The following CEACAM4 variants were observed in gnomAD, a reference collection of about 807,000 sequenced individuals.
CEACAM4 encodes the protein CEA cell adhesion molecule 4.
A neutral mutation model predicts 28.7 loss-of-function variants in CEACAM4; 30 were observed. That is an observed-to-expected ratio of 1.05 (90% CI 0.78 to 1.42). The LOEUF (loss-of-function observed/expected upper bound fraction) is 1.42, where lower values mean the gene tolerates loss of function less well. Ranked by LOEUF, CEACAM4 falls within the 40% of genes most tolerant of loss-of-function variation. The probability of loss-of-function intolerance (pLI) is 0.00; values close to 1 mark genes in which losing one functional copy is unlikely to be tolerated. For synonymous variants in CEACAM4, 143 were observed against 126.5 expected (o/e 1.13, Z -0.87); for missense variants, 330 against 308.2 (o/e 1.07, Z -0.53).
downstream of CEACAM4, among the ~76,000 whole-genome samples, chr19:41,616,639 C>T (rs143754858): frequency 1.2e-4 from 19 of 152,206 alleles, no homozygotes; most frequent in Middle Eastern, 3.4e-3. Flanking sequence ...TGACACCAAG[C>T]ACAAGGCTCA....
Position 41,619,193 on chromosome 19 carries a change from C to T in CEACAM4, c.*137G>A, listed in dbSNP as rs1382103530. The T allele has an allele frequency of 1.1e-5, 8 of 732,356 alleles. No individual in the cohort carries two copies. Among genetic ancestry groups the T allele is most frequent in the Non-Finnish European group, 1.7e-5 (7 of 419,078 alleles). The allele number at this position is 732,356 out of a possible 1,614,324, so 45.4% of individuals were successfully genotyped here. A position where few individuals can be genotyped will look rare whatever the true frequency, so the allele number is the denominator to read the frequency against. On this transcript the variant is annotated 3_prime_UTR_variant, in exon 7 of 7. Coordinates refer to ENST00000221954, the MANE Select transcript of CEACAM4 (RefSeq NM_001817.4). Reference sequence around the variant, plus strand: ...CAGATATTCAGCAGGGACTCCCATCCCTCCCTGTCCCCAGGCCTGTGTCTC... The same window carrying T: ...CAGATATTCAGCAGGGACTCCCATCTCTCCCTGTCCCCAGGCCTGTGTCTC...
intron 1 of CEACAM4, among the ~76,000 whole-genome samples, chr19:41,626,660 G>A (rs1421960285): frequency 2.0e-5 from 3 of 152,166 alleles, no homozygotes; most frequent in South Asian, 2.1e-4. Context: ...TAACCAGGAC[G>A]AGAGAACACT....
At chr19:41,625,385 C>CT (rs1386517472) in intron 2 of CEACAM4, among the ~76,000 whole-genome samples, 1 of 152,158 alleles carries the variant, frequency 6.6e-6, no homozygotes, top group Non-Finnish European at 1.5e-5. Context: ...TGAGGCCCCC[C>CT]CGCCCCCGCC....
chr19:41,625,271 G>A (rs1461748312), intron 2 of CEACAM4, among the ~76,000 whole-genome samples: 1 of 152,158 alleles, frequency 6.6e-6, no homozygotes, highest in African/African-American at 2.4e-5. Context: ...GAGGTTCCCA[G>A]GACGCCCTCA....
intron 5 of CEACAM4, 151 bp downstream of exon 5, chr19:41,620,060 G>C (rs1555800518): frequency 1.4e-6 from 1 of 710,940 alleles, no homozygotes; most frequent in African/African-American, 1.9e-5. Flanking sequence ...CCTGTAGAGA[G>C]GCCCGGATCC....
chr19:41,615,679 C>T (rs1249488449), downstream of CEACAM4, among the ~76,000 whole-genome samples: 1 of 152,076 alleles, frequency 6.6e-6, no homozygotes, highest in East Asian at 1.9e-4. Context: ...CAAGGGTGAC[C>T]CAGGACAGAC....
chr19:41,615,278 T>A (rs1244790346), downstream of CEACAM4, among the ~76,000 whole-genome samples: 1 of 151,908 alleles, frequency 6.6e-6, no homozygotes, highest in African/African-American at 2.4e-5. Context: ...CCATGTAGCA[T>A]GTCAGTATAG....
chr19:41,619,920 C>CTGGGCCCACCCT (rs2071158511), intron 5 of CEACAM4, among the ~76,000 whole-genome samples: 1 of 152,152 alleles, frequency 6.6e-6, no homozygotes, highest in Non-Finnish European at 1.5e-5. Context: ...GGGCCCACCC[C>CTGGGCCCACCCT]GCACCCTTGT....
At chr19:41,621,985 A>C (rs528785504) in intron 2 of CEACAM4, among the ~76,000 whole-genome samples, 1 of 152,222 alleles carries the variant, frequency 6.6e-6, no homozygotes, top group South Asian at 2.1e-4. Flanking sequence ...ACCAACTCCT[A>C]CATTCTCCCA....
chr19:41,619,109 GGTGATGAGA>G lies in CEACAM4; in HGVS notation c.*212_*220del. ...TTCCTTGCAAGCCCCCGCTTCCTGT[GGTGATGAGA>G]GGCCTTTGTCCCGGCCCACCCAGAG... is the stretch of plus-strand genomic sequence containing the variant. On this transcript the variant is annotated 3_prime_UTR_variant, in exon 7 of 7. Transcript: ENST00000221954. 3.6e-6 allele frequency: 2 copies of G among 559,188 alleles called. No homozygotes were observed. The highest frequency in any genetic ancestry group is 4.6e-4 in the Middle Eastern group (1 of 2,154). 34.6% of individuals were successfully genotyped at this position (559,188 alleles called of 1,614,324 possible). A position where few individuals can be genotyped will look rare whatever the true frequency, so the allele number is the denominator to read the frequency against.
At chr19:41,614,161 G>T (rs2070962897), downstream of CEACAM4, among the ~76,000 whole-genome samples, 1 of 152,170 alleles carries the variant, frequency 6.6e-6, no homozygotes, top group Non-Finnish European at 1.5e-5. Context: ...CCTGTTGCTG[G>T]ATTTGAGGCT....
At chr19:41,624,237 T>C (rs1555802897) in intron 2 of CEACAM4, among the ~76,000 whole-genome samples, 3 of 152,196 alleles carry the variant, frequency 2.0e-5, no homozygotes, top group African/African-American at 7.2e-5. Context: ...GAAGAGGTTA[T>C]AGATCATTCC....
At chr19:41,614,672 C>G (rs188034377), downstream of CEACAM4, among the ~76,000 whole-genome samples, 1 of 152,310 alleles carries the variant, frequency 6.6e-6, no homozygotes, top group African/African-American at 2.4e-5. Flanking sequence ...TCCTAAGCAG[C>G]TCCCTCTGCC....
At chr19:41,626,106 G>GTGTC (rs2071643210) in intron 1 of CEACAM4, 146 bp from the exon 2 acceptor site, 3 of 591,512 alleles carry the variant, frequency 5.1e-6, no homozygotes, top group South Asian at 4.5e-5. Flanking sequence ...GTGTGTGTGT[G>GTGTC]TGTGTGTGTG....
chr19:41,620,152 C>T (rs893784735), intron 5 of CEACAM4, 59 bp downstream of exon 5: 16 of 1,420,936 alleles, frequency 1.1e-5, no homozygotes, highest in Non-Finnish European at 1.4e-5. Context: ...GGTCCCCCTG[C>T]CCTGAGCCTG....
chr19:41,618,401 C>T (rs2071045670), downstream of CEACAM4, among the ~76,000 whole-genome samples: 2 of 152,168 alleles, frequency 1.3e-5, no homozygotes, highest in Admixed American at 1.3e-4. Context: ...AATTATGCGT[C>T]TGTATTAATC....
chr19:41,619,800 G>T, intron 5 of CEACAM4, 89 bp from the exon 6 acceptor site: 2 of 1,111,480 alleles, frequency 1.8e-6, no homozygotes, highest in Non-Finnish European at 2.5e-6. Context: ...GATCGGCCAG[G>T]ACTTACTTCC....
chr19:41,626,831 C>T, intron 1 of CEACAM4, 69 bp downstream of exon 1: 1 of 1,432,982 alleles, frequency 7.0e-7, no homozygotes, highest in East Asian at 2.4e-5. Flanking sequence ...CTATCCCCTC[C>T]TACCCAAGAG....
Position 41,620,609 on chromosome 19 carries a change from G to A in CEACAM4, c.561C>T (p.Asp187=). 1 of 1,612,642 alleles carries A rather than the reference G, an allele frequency of 6.2e-7. No homozygotes were observed. The highest frequency in any genetic ancestry group is 1.1e-5 in the South Asian group (1 of 90,974). Residue 187 remains aspartate, a synonymous_variant, in exon 4 of 7, where the codon GAC becomes GAT. Coordinates refer to ENST00000221954, the MANE Select transcript of CEACAM4 (RefSeq NM_001817.4). The part of the protein sequence containing the change: ...SRTGRASIQR[D]LREQPPPAST... ...AGGCTGGGGGCGGCTGCTCCCTGAG[G>A]TCACGCTGGATGCTGGCCCTAGGAA... is the stretch of plus-strand genomic sequence containing the variant.
Sources: gnomAD v4.1 joint callset for allele counts (sites outside exome capture counted in the v4.1 genomes callset) on GRCh38, gnomAD v4.1.1 for gene constraint, MANE v1.5 for transcripts, NCBI Gene and HGNC (gene_info 2026-07-23, HGNC 2026-07-21) for gene names.